The following ZNF148 variants were observed in gnomAD, a reference collection of about 807,000 sequenced individuals.
The protein encoded by ZNF148 is Beta-Enolase Repressor Factor-1.
ZNF148 carries 7 observed loss-of-function variants against 67.7 expected under a neutral mutation model. The observed-to-expected ratio is 0.10, with a 90% confidence interval of 0.06 to 0.19. The LOEUF (loss-of-function observed/expected upper bound fraction) is 0.19, where lower values mean the gene tolerates loss of function less well. Among genes scored for constraint, ZNF148 ranks in the 10% least tolerant of loss-of-function variants. The pLI, the probability that ZNF148 is intolerant of heterozygous loss-of-function variation, is 1.00. For missense variants in ZNF148, 583 were observed against 947.1 expected (o/e 0.62, Z 5.05); for synonymous variants, 333 against 330.7 (o/e 1.01, Z -0.08).
intron 5 of ZNF148, among the ~76,000 whole-genome samples, chr3:125,287,871 T>C (rs991814165): frequency 3.3e-5 from 5 of 151,978 alleles, no homozygotes; most frequent in South Asian, 2.1e-4. Flanking sequence ...TGCCATCCGA[T>C]AGAGATATGG....
chr3:125,293,174 G>A (rs897868765), intron 4 of ZNF148, among the ~76,000 whole-genome samples: 2 of 152,104 alleles, frequency 1.3e-5, no homozygotes, highest in African/African-American at 4.8e-5. Context: ...GCTCTGAGGA[G>A]TCCTCAGTAT....
chr3:125,281,581 C>T (rs977886487), intron 5 of ZNF148, among the ~76,000 whole-genome samples: 1 of 152,090 alleles, frequency 6.6e-6, no homozygotes, highest in African/African-American at 2.4e-5. Flanking sequence ...GCCCAAGTTG[C>T]TTAATGTGAA....
At chr3:125,271,827 T>C (rs1437580381) in intron 7 of ZNF148, among the ~76,000 whole-genome samples, 4 of 152,308 alleles carry the variant, frequency 2.6e-5, no homozygotes, top group African/African-American at 9.6e-5. Context: ...TGCCTCCTTC[T>C]GGTTCTTTTA....
At chr3:125,331,575 G>GT (rs1466326599) in intron 1 of ZNF148, among the ~76,000 whole-genome samples, 1 of 152,116 alleles carries the variant, frequency 6.6e-6, no homozygotes, top group African/African-American at 2.4e-5. Context: ...AAGCACAAAT[G>GT]TGTTTCACTA....
rs111657213 is a variant in ZNF148 at position 125,289,918 on chromosome 3, A to G, written c.334-1690T>C. On this transcript the variant is annotated intron_variant, in intron 4 of 8. Transcript: ENST00000360647. ...GTATATCTGAACCTGTTATTTCCAC[A>G]TATATGGAAAGTGATTATATTAATA... Among the ~76,000 whole-genome samples the G allele has an allele frequency of 4.7e-3, 710 of 152,274 alleles. 2 individuals carry two copies. The highest frequency in any genetic ancestry group is 7.4e-3 in the Non-Finnish European group (505 of 68,000).
chr3:125,260,108 T>G (rs1261981859), intron 7 of ZNF148, among the ~76,000 whole-genome samples: 1 of 152,174 alleles, frequency 6.6e-6, no homozygotes, highest in Non-Finnish European at 1.5e-5. Flanking sequence ...GGGTGCAGTT[T>G]GTGGTGCCCC....
chr3:125,329,027 A>G (rs1193282870), intron 2 of ZNF148, among the ~76,000 whole-genome samples: 1 of 150,882 alleles, frequency 6.6e-6, no homozygotes, highest in Non-Finnish European at 1.5e-5. Context: ...ATATCTGTAC[A>G]TGTATAGAAA....
intron 7 of ZNF148, among the ~76,000 whole-genome samples, chr3:125,256,159 C>A (rs868134232): frequency 1.3e-5 from 2 of 151,318 alleles, no homozygotes; most frequent in South Asian, 4.2e-4. Context: ...GTCAGGAGAT[C>A]GAGCCCATCC....
At chr3:125,372,832 G>A (rs780624864) in intron 1 of ZNF148, among the ~76,000 whole-genome samples, 11 of 152,002 alleles carry the variant, frequency 7.2e-5, no homozygotes, top group Admixed American at 2.0e-4. Flanking sequence ...CAGGGGTGGC[G>A]GCAGGCACCT....
At chr3:125,269,705 A>G (rs1005542858) in intron 7 of ZNF148, among the ~76,000 whole-genome samples, 3 of 152,236 alleles carry the variant, frequency 2.0e-5, no homozygotes, top group African/African-American at 4.8e-5. Context: ...AAATCAACAC[A>G]GGTAACCATC....
chr3:125,232,986 C>T lies in ZNF148; in HGVS notation c.1740G>A (p.Glu580=), dbSNP rs1480317327. ...SISINSSEVP[E]VTPSENVGSS... is the part of the protein sequence containing the mutation. The stretch of plus-strand genomic sequence containing the variant: ...ATCCAACATTCTCTGACGGGGTGAC[C>T]TCTGGTACTTCTGAAGAATTTATTG... Residue 580 remains glutamate, a synonymous_variant, in exon 9 of 9, where the codon GAG becomes GAA. Transcript: ENST00000360647. This position sits in a 1 kb window ranked among gnomAD's most constrained non-coding sequence, Gnocchi z 4.2. The T allele has an allele frequency of 6.2e-7, 1 of 1,613,634 alleles. No homozygotes were observed. The highest frequency in any genetic ancestry group is 1.3e-5 in the African/African-American group (1 of 74,840).
intron 5 of ZNF148, among the ~76,000 whole-genome samples, chr3:125,280,706 C>A (rs1041517304): frequency 1.5e-5 from 2 of 133,124 alleles, no homozygotes; most frequent in African/African-American, 2.8e-5. Flanking sequence ...TGCCTTTCAT[C>A]AGACATGTGG....
At chr3:125,336,454 T>G (rs1383185029) in intron 1 of ZNF148, among the ~76,000 whole-genome samples, 1 of 152,204 alleles carries the variant, frequency 6.6e-6, no homozygotes. Context: ...GGTTTGAATC[T>G]CTATAGAGTG....
At chr3:125,324,764 T>G (rs527535005) in intron 2 of ZNF148, among the ~76,000 whole-genome samples, 31 of 152,360 alleles carry the variant, frequency 2.0e-4, no homozygotes, top group African/African-American at 7.2e-4. Flanking sequence ...TGATTTCCTC[T>G]TTGAACTTCA....
At chr3:125,254,182 C>A (rs1427839163) in intron 7 of ZNF148, among the ~76,000 whole-genome samples, 1 of 152,130 alleles carries the variant, frequency 6.6e-6, no homozygotes, top group African/African-American at 2.4e-5. Context: ...AAGTTTTAAT[C>A]TCTCTCCCCT....
intron 2 of ZNF148, among the ~76,000 whole-genome samples, chr3:125,325,960 C>T (rs1940999081): frequency 6.6e-6 from 1 of 152,128 alleles, no homozygotes; most frequent in African/African-American, 2.4e-5. Context: ...AGATTAGTGG[C>T]TAACTTCCAG....
chr3:125,244,787 C>T (rs941617809), intron 7 of ZNF148, among the ~76,000 whole-genome samples: 3 of 152,136 alleles, frequency 2.0e-5, no homozygotes, highest in African/African-American at 4.8e-5. Context: ...CATGAGCCAT[C>T]GCACCTGGCC....
At chr3:125,368,787 A>G (rs1445695440) in intron 1 of ZNF148, among the ~76,000 whole-genome samples, 1 of 151,726 alleles carries the variant, frequency 6.6e-6, no homozygotes, top group Non-Finnish European at 1.5e-5. Context: ...TCTACTAAAA[A>G]ATACAAAAAA....
At chr3:125,288,469 A>G (rs966344089) in intron 4 of ZNF148, among the ~76,000 whole-genome samples, 2 of 151,796 alleles carry the variant, frequency 1.3e-5, no homozygotes, top group African/African-American at 4.8e-5. Flanking sequence ...ACCTGAGAAA[A>G]AAGATCAAAG....
Sources: gnomAD v4.1 joint callset for allele counts (sites outside exome capture counted in the v4.1 genomes callset) on GRCh38, gnomAD v4.1.1 for gene constraint, Gnocchi (gnomAD v3.1) non-coding constraint, MANE v1.5 for transcripts, NCBI Gene and HGNC (gene_info 2026-07-23, HGNC 2026-07-21) for gene names.